RASGRF2: variants seen among roughly 807,000 people sequenced by gnomAD.
RASGRF2 encodes Ras protein specific guanine nucleotide releasing factor 2.
In RASGRF2, 76 loss-of-function variants were observed where a neutral mutation model predicts 151.0. That is an observed-to-expected ratio of 0.50 (90% CI 0.42 to 0.61). RASGRF2 has a LOEUF of 0.61. Ranked by LOEUF, RASGRF2 falls within the 20% of genes least tolerant of loss-of-function variation. The pLI, the probability that RASGRF2 is intolerant of heterozygous loss-of-function variation, is 0.00. For synonymous variants in RASGRF2, 504 were observed against 566.5 expected, an observed-to-expected ratio of 0.89 and a Z score of 1.57; for missense variants, 1,148 against 1,564.6, an observed-to-expected ratio of 0.73 and a Z score of 4.49.
chr5:81,184,067 GAGTTTAT>G (rs2112681865), intron 18 of RASGRF2, among the ~76,000 whole-genome samples: 1 of 152,310 alleles, frequency 6.6e-6, no homozygotes, highest in African/African-American at 2.4e-5. Flanking sequence ...TTGTCAAATT[GAGTTTAT>G]AGTTTAATGT....
At chr5:80,973,746 A>T (rs1046414192) in intron 1 of RASGRF2, among the ~76,000 whole-genome samples, 3 of 152,334 alleles carry the variant, frequency 2.0e-5, no homozygotes, top group Admixed American at 2.0e-4. Flanking sequence ...GTGGCCAAGA[A>T]GTGATGATCC....
chr5:80,993,211 T>C (rs1458657612), intron 1 of RASGRF2, among the ~76,000 whole-genome samples: 2 of 152,208 alleles, frequency 1.3e-5, no homozygotes, highest in Admixed American at 1.3e-4. Flanking sequence ...CCTCCAGGGA[T>C]GAAATGACAG....
At chr5:81,059,605 G>A (rs1005476759) in intron 2 of RASGRF2, among the ~76,000 whole-genome samples, 1 of 151,948 alleles carries the variant, frequency 6.6e-6, no homozygotes, top group Admixed American at 6.6e-5. Flanking sequence ...CCAGCACTCT[G>A]GGAGGCTGAG....
At chr5:81,191,836 A>G (rs1373269560) in intron 18 of RASGRF2, among the ~76,000 whole-genome samples, 1 of 152,210 alleles carries the variant, frequency 6.6e-6, no homozygotes. Flanking sequence ...GAATTTTAGC[A>G]GTCATTCAAA....
chr5:81,197,908 G>C (rs537008803), intron 18 of RASGRF2, among the ~76,000 whole-genome samples: 1 of 152,160 alleles, frequency 6.6e-6, no homozygotes, highest in East Asian at 1.9e-4. Context: ...GTTTTATAAG[G>C]ATACATTTAA....
chr5:81,181,574 G>A (rs1377526028), intron 18 of RASGRF2, among the ~76,000 whole-genome samples: 1 of 152,128 alleles, frequency 6.6e-6, no homozygotes, highest in African/African-American at 2.4e-5. Flanking sequence ...TTGCCTCACT[G>A]CAGATAAAAC....
intron 1 of RASGRF2, among the ~76,000 whole-genome samples, chr5:80,991,307 T>C (rs937363501): frequency 2.0e-5 from 3 of 152,096 alleles, no homozygotes; most frequent in African/African-American, 7.2e-5. Context: ...GAAAAGTGTG[T>C]GTGTGTGTTG....
chr5:81,219,042 C>G (rs908697197), intron 25 of RASGRF2, among the ~76,000 whole-genome samples: 1 of 151,104 alleles, frequency 6.6e-6, no homozygotes, highest in African/African-American at 2.4e-5. Flanking sequence ...GTGATAGACA[C>G]TTGCTGAAGG....
rs890448411 is a variant in RASGRF2 at position 81,158,519 on chromosome 5, A to G, written c.2687-21656A>G. Among the ~76,000 whole-genome samples the G allele has an allele frequency of 5.3e-5, 8 of 152,256 alleles. No individual in the cohort carries two copies. The South Asian group carries it at 1.7e-3, about 32-fold the overall frequency. ...ACACCCTCGAGAAAGTGAACAGACA[A>G]CCCATAGAGAAATAGGAGAAAATAT... On this transcript the variant is annotated intron_variant, in intron 17 of 26. Coordinates refer to ENST00000265080, the MANE Select transcript of RASGRF2 (RefSeq NM_006909.3).
In RASGRF2 at chr5:81,184,262, G is replaced by A. The variant is rs561549763; in HGVS notation, c.2793+3981G>A. Among the ~76,000 whole-genome samples, 166 of 152,288 alleles carry A rather than the reference G, an allele frequency of 1.1e-3. 1 individual carries two copies. Among genetic ancestry groups the A allele is most frequent in the Middle Eastern group, 6.8e-3 (2 of 294 alleles). On this transcript the variant is annotated intron_variant, in intron 18 of 26. Coordinates refer to ENST00000265080, the MANE Select transcript of RASGRF2 (RefSeq NM_006909.3). ...ATGCTTCTTGAGCATCTCCTGCTGG[G>A]AGGCCTTACATATCGTTTACACAAT... is the stretch of plus-strand genomic sequence containing the variant.
chr5:81,093,126 T>C (rs1451516634), intron 10 of RASGRF2, among the ~76,000 whole-genome samples, 165 bp downstream of exon 10: 3 of 152,218 alleles, frequency 2.0e-5, no homozygotes, highest in Non-Finnish European at 1.5e-5. Context: ...ATTTAATTCG[T>C]TGTCATTTAA....
chr5:81,111,025 TG>T (rs1228702913), intron 13 of RASGRF2, among the ~76,000 whole-genome samples: 1 of 152,208 alleles, frequency 6.6e-6, no homozygotes, highest in East Asian at 1.9e-4. Flanking sequence ...GAGCATACTT[TG>T]GGCTGGGATG....
chr5:81,022,265 C>T (rs1749855018), intron 1 of RASGRF2, among the ~76,000 whole-genome samples: 1 of 152,168 alleles, frequency 6.6e-6, no homozygotes, highest in African/African-American at 2.4e-5. Context: ...CTTCATGACT[C>T]CAGGCCATGA....
At chr5:80,969,123 CTTTTTTTTTT>C (rs551407326) in intron 1 of RASGRF2, among the ~76,000 whole-genome samples, 8 of 93,332 alleles carry the variant, frequency 8.6e-5, no homozygotes, top group Middle Eastern at 6.4e-3. Flanking sequence ...GTGCAGGACT[CTTTTTTTTTT>C]TTTTTTTTTT....
chr5:81,038,567 C>CTTTT lies in RASGRF2; in HGVS notation c.289-4290_289-4287dup, dbSNP rs56205345. Among the ~76,000 whole-genome samples the CTTTT allele has an allele frequency of 9.3e-3, 778 of 83,976 alleles. 3 individuals are homozygous for CTTTT. Among genetic ancestry groups the CTTTT allele is most frequent in the African/African-American group, 0.012 (282 of 22,662 alleles). 55.1% of individuals were successfully genotyped at this position (83,976 alleles called of 152,430 possible). A position where few individuals can be genotyped will look rare whatever the true frequency, so the allele number is the denominator to read the frequency against. On this transcript the variant is annotated intron_variant, in intron 1 of 26. Transcript: ENST00000265080. ...AAAAATATTGATTTGTAAATATTTG[C>CTTTT]TTTTTTTTTTTTTTTTTTTTTTTGT...
At position 81,094,406 on chromosome 5, in the gene RASGRF2, C is replaced by T. The variant is rs505748; in HGVS notation, c.1618+44C>T. On this transcript the variant is annotated intron_variant, in intron 11 of 26. Transcript: ENST00000265080. Reference sequence around the variant, plus strand: ...CTTAGGATTCTATTAGAATTAGAGGCGGGAGAGAGAGGCTGAGGATAAACT... The same window carrying T: ...CTTAGGATTCTATTAGAATTAGAGGTGGGAGAGAGAGGCTGAGGATAAACT... The T allele has an allele frequency of 0.45, 699,656 of 1,551,480 alleles. 160,513 individuals carry two copies. Among genetic ancestry groups the T allele is most frequent in the Middle Eastern group, 0.6 (3,027 of 5,084 alleles).
chr5:81,089,554 T>C (rs1214497881), intron 9 of RASGRF2, among the ~76,000 whole-genome samples: 1 of 152,206 alleles, frequency 6.6e-6, no homozygotes, highest in East Asian at 1.9e-4. Context: ...GTCTGTTGGA[T>C]AGGATACAGA....
rs150421755 is a variant in RASGRF2 at position 81,227,781 on chromosome 5, G to A, written c.*2011G>A. 183 of 152,338 alleles carry A rather than the reference G, an allele frequency of 1.2e-3. No individual in the cohort carries two copies. Among genetic ancestry groups the A allele is most frequent in the African/African-American group, 4.2e-3 (175 of 41,570 alleles). The allele number at this position is 152,338 out of a possible 1,614,324, so 9.4% of individuals were successfully genotyped here. On this transcript the variant is annotated 3_prime_UTR_variant, in exon 27 of 27. Coordinates refer to ENST00000265080, the MANE Select transcript of RASGRF2 (RefSeq NM_006909.3). ...ATACTAGTTTCGGGCCAAACAACAC[G>A]TGGAAAGGTGCATGCATTCTACTCT...
intron 1 of RASGRF2, among the ~76,000 whole-genome samples, chr5:80,983,363 A>G (rs1580166433): frequency 6.6e-6 from 1 of 152,294 alleles, no homozygotes; most frequent in East Asian, 1.9e-4. Context: ...TCTCATTGCG[A>G]TGACTTGGGC....
Sources: allele counts gnomAD v4.1 joint callset (sites outside exome capture counted in the v4.1 genomes callset), GRCh38; gene constraint gnomAD v4.1.1; transcripts MANE v1.5; gene names NCBI Gene and HGNC (gene_info 2026-07-23, HGNC 2026-07-21).